The following KCNMA1 variants were observed in gnomAD, a reference collection of about 807,000 sequenced individuals.
KCNMA1 encodes potassium calcium-activated channel subfamily M alpha 1.
KCNMA1 carries 29 observed loss-of-function variants against 140.0 expected under a neutral mutation model. The ratio of observed to expected loss-of-function variants is 0.21; its 90% CI spans 0.15 to 0.28. The LOEUF is 0.28. Ranked by LOEUF, KCNMA1 falls within the 10% of genes least tolerant of loss-of-function variation. KCNMA1 has a pLI of 1.00. For synonymous variants in KCNMA1, 612 were observed against 611.9 expected, an observed-to-expected ratio of 1.00 and a Z score of 0.00; for missense variants, 880 against 1,602.2, an observed-to-expected ratio of 0.55 and a Z score of 7.70.
chr10:76,951,382 C>T (rs2066212749), intron 21 of KCNMA1, among the ~76,000 whole-genome samples: 1 of 152,068 alleles, frequency 6.6e-6, no homozygotes, highest in Admixed American at 6.6e-5. Context: ...CCTTCCAGGC[C>T]CAACCCAAGC....
chr10:77,316,792 GACACCCAC>G (rs917954726), intron 2 of KCNMA1, among the ~76,000 whole-genome samples: 3 of 152,164 alleles, frequency 2.0e-5, no homozygotes, highest in African/African-American at 7.2e-5. Flanking sequence ...GTCAAAGGAG[GACACCCAC>G]TGCTTAGGGG....
At chr10:77,399,205 T>C (rs926303560) in intron 2 of KCNMA1, among the ~76,000 whole-genome samples, 7 of 152,068 alleles carry the variant, frequency 4.6e-5, no homozygotes, top group Admixed American at 3.3e-4. Context: ...ACACTACTTA[T>C]CCCATGAGTC....
chr10:77,362,353 AC>A (rs1467406713), intron 2 of KCNMA1, among the ~76,000 whole-genome samples: 416 of 27,732 alleles, frequency 0.015, 4 homozygotes, highest in African/African-American at 0.036. Flanking sequence ...ATCCCCCCCC[AC>A]CCCCCCCACC....
chr10:76,910,144 C>A, intron 24 of KCNMA1, 48 bp from the exon 25 acceptor site: 2 of 1,607,078 alleles, frequency 1.2e-6, no homozygotes, highest in Non-Finnish European at 1.7e-6. Context: ...CACACACAGG[C>A]ATTGAAGCCA....
intron 2 of KCNMA1, among the ~76,000 whole-genome samples, chr10:77,398,731 A>G (rs2096156799): frequency 6.6e-6 from 1 of 152,238 alleles, no homozygotes; most frequent in Non-Finnish European, 1.5e-5. Context: ...TGGAGCCCAC[A>G]TGGTCTGCAA....
intron 1 of KCNMA1, among the ~76,000 whole-genome samples, chr10:77,447,930 T>TA (rs2097559446): frequency 1.3e-5 from 2 of 152,200 alleles, no homozygotes; most frequent in Non-Finnish European, 2.9e-5. Context: ...GGCTTAGTGT[T>TA]ACTAAAGATA....
At chr10:77,264,727 G>A (rs2062944453) in intron 2 of KCNMA1, among the ~76,000 whole-genome samples, 1 of 152,110 alleles carries the variant, frequency 6.6e-6, no homozygotes, top group Non-Finnish European at 1.5e-5. Context: ...ATCCTTTCAG[G>A]GTTTACGGTC....
At chr10:77,066,352 T>C (rs925226089) in intron 14 of KCNMA1, among the ~76,000 whole-genome samples, 1 of 152,116 alleles carries the variant, frequency 6.6e-6, no homozygotes, top group Admixed American at 6.6e-5. Flanking sequence ...TTGAATGTGG[T>C]GTTTGAGGGC....
At chr10:77,001,986 A>G (rs1323038994) in intron 18 of KCNMA1, among the ~76,000 whole-genome samples, 2 of 152,198 alleles carry the variant, frequency 1.3e-5, no homozygotes, top group South Asian at 4.1e-4. Flanking sequence ...AATCAATGAA[A>G]TTAGCTGCTT....
At chr10:76,916,797 G>A (rs934867802) in intron 23 of KCNMA1, among the ~76,000 whole-genome samples, 1 of 152,188 alleles carries the variant, frequency 6.6e-6, no homozygotes, top group African/African-American at 2.4e-5. Context: ...ATAATTGCCT[G>A]TTGTTTTGGA....
chr10:77,445,800 G>A (rs1229000483), intron 1 of KCNMA1, among the ~76,000 whole-genome samples: 7 of 152,158 alleles, frequency 4.6e-5, no homozygotes, highest in South Asian at 2.1e-4. Flanking sequence ...AGAGGCTAGC[G>A]CAAACAGGCG....
rs561637541 is a variant in KCNMA1, at chr10:77,163,510, A to C, written c.808+19911T>G. ...TTGTTCACTCAGTGGCTATTTACTGAGTATCTCCCATGCGTGCAGTGCTCT... is the reference window on the plus strand; with the variant it reads ...TTGTTCACTCAGTGGCTATTTACTGCGTATCTCCCATGCGTGCAGTGCTCT... On this transcript the variant is annotated intron_variant, in intron 5 of 27. Transcript: ENST00000286628. Among the ~76,000 whole-genome samples, 13 of 152,316 alleles carry C rather than the reference A, an allele frequency of 8.5e-5. No individual in the cohort carries two copies. The East Asian group carries it at 2.5e-3, about 29-fold the overall frequency.
chr10:77,325,770 C>T (rs541354527), intron 2 of KCNMA1, among the ~76,000 whole-genome samples: 2 of 152,260 alleles, frequency 1.3e-5, no homozygotes, highest in African/African-American at 4.8e-5. Context: ...GTCTCCTTGT[C>T]GCCATACCAT....
chr10:77,378,378 C>G (rs2095256145), intron 2 of KCNMA1, among the ~76,000 whole-genome samples: 1 of 152,226 alleles, frequency 6.6e-6, no homozygotes, highest in Admixed American at 6.5e-5. Context: ...TTTTCTTTGT[C>G]TTAACCCTTC....
intron 9 of KCNMA1, among the ~76,000 whole-genome samples, chr10:77,105,889 C>T (rs542020359): frequency 8.7e-4 from 132 of 152,212 alleles, no homozygotes; most frequent in African/African-American, 2.8e-3. Flanking sequence ...ATATCCCAAG[C>T]GAAAGAAAAC....
chr10:76,893,744 A>G (rs747637264), intron 25 of KCNMA1, among the ~76,000 whole-genome samples: 37 of 152,288 alleles, frequency 2.4e-4, no homozygotes, highest in Admixed American at 5.2e-4. Flanking sequence ...TGTCTCAGAA[A>G]AATAATGAAT....
In KCNMA1 at chr10:76,879,254, A is replaced by G. The variant is rs75587023; in HGVS notation, c.3428-1364T>C. Among the ~76,000 whole-genome samples the G allele has an allele frequency of 8.8e-4, 134 of 152,282 alleles. 2 individuals are homozygous for G. In the East Asian group the frequency reaches 0.024, roughly 28 times the overall value. On this transcript the variant is annotated intron_variant, in intron 29 of 29. Transcript: ENST00000372403. ...GGAGGGCTGTCACTGGAGCTGGGAT[A>G]TGCCTGAGTCAAAGCCTCGCCCCAG...
At chr10:77,604,145 T>G (rs915237111) in intron 1 of KCNMA1, among the ~76,000 whole-genome samples, 2 of 152,198 alleles carry the variant, frequency 1.3e-5, no homozygotes, top group African/African-American at 4.8e-5. Context: ...CCCGAGGAAG[T>G]GAATGCTAGG....
chr10:77,147,837 T>G (rs556613762), intron 5 of KCNMA1: 1 of 152,248 alleles, frequency 6.6e-6, no homozygotes, highest in South Asian at 2.1e-4. Flanking sequence ...ATTGAGACTT[T>G]TATCTCTGTT....
Sources: allele counts gnomAD v4.1 joint callset (sites outside exome capture counted in the v4.1 genomes callset), GRCh38; gene constraint gnomAD v4.1.1; transcripts MANE v1.5; gene names NCBI Gene and HGNC (gene_info 2026-07-23, HGNC 2026-07-21).